The following ASAP3 variants were observed in gnomAD, a reference collection of about 807,000 sequenced individuals.
The protein encoded by ASAP3 is arf-GAP with SH3 domain, ANK repeat and PH domain-containing protein 3.
Under a neutral mutation model 118.2 loss-of-function variants are expected in ASAP3, and 85 were observed. The observed-to-expected ratio is 0.72, with a 90% CI of 0.60 to 0.86. ASAP3 has a LOEUF of 0.86. Among genes scored for constraint, ASAP3 ranks in the 40% least tolerant of loss-of-function variants. The pLI is 0.00. For missense variants in ASAP3, 1,026 were observed against 1,175.0 expected, an observed-to-expected ratio of 0.87 and a Z score of 1.85; for synonymous variants, 432 against 477.4, an observed-to-expected ratio of 0.90 and a Z score of 1.24.
At chr1:23,440,500 CAAAAAAAAAA>C (rs35344912) in intron 10 of ASAP3, among the ~76,000 whole-genome samples, 19 of 24,318 alleles carry the variant, frequency 7.8e-4, no homozygotes, top group Admixed American at 4.1e-3. Flanking sequence ...GACTCCATCT[CAAAAAAAAAA>C]AAAAAAAAAA....
intron 23 of ASAP3, 107 bp downstream of exon 23, chr1:23,431,589 C>A (rs895982469): frequency 3.7e-6 from 4 of 1,070,800 alleles, no homozygotes; most frequent in Non-Finnish European, 5.3e-6. Flanking sequence ...CCAGAGATGG[C>A]GTGTGACCCA....
intron 10 of ASAP3, among the ~76,000 whole-genome samples, chr1:23,440,125 AT>A (rs539194086): frequency 0.12 from 15,873 of 133,364 alleles, 1,678 homozygotes; most frequent in African/African-American, 0.27. Context: ...CCACAGACTG[AT>A]TTTTTTTTTT....
chr1:23,438,585 G>T lies in ASAP3; in HGVS notation c.1102+162C>A, dbSNP rs1640755884. On this transcript the variant is annotated intron_variant, in intron 12 of 24. Coordinates refer to ENST00000336689, the MANE Select transcript of ASAP3 (RefSeq NM_017707.4). This position sits in a 1 kb window ranked among gnomAD's most constrained non-coding sequence, Gnocchi z 4.9. Reference sequence around the variant, plus strand: ...GCATTTTGACATTTAATGTGATGTGGGTATCCTAGACCTAAGGATTCTTAT... The same window carrying T: ...GCATTTTGACATTTAATGTGATGTGTGTATCCTAGACCTAAGGATTCTTAT... Among the ~76,000 whole-genome samples the T allele has an allele frequency of 6.6e-6, 1 of 152,118 alleles. No individual in the cohort carries two copies.
chr1:23,471,431 G>A (rs1426890068), intron 1 of ASAP3, among the ~76,000 whole-genome samples: 1 of 152,202 alleles, frequency 6.6e-6, no homozygotes, highest in Non-Finnish European at 1.5e-5. Context: ...CAGAAAGGCA[G>A]GGAATGGCTC....
chr1:23,462,343 C>T (rs745406748), intron 1 of ASAP3, among the ~76,000 whole-genome samples: 1 of 151,714 alleles, frequency 6.6e-6, no homozygotes, highest in East Asian at 1.9e-4. Context: ...TTTTCGATGC[C>T]CTTGTCAGAC....
In ASAP3 at chr1:23,436,607, G is replaced by T; in HGVS notation, c.1524C>A (p.Ala508=). 6.2e-7 allele frequency: 1 copy of T among 1,614,228 alleles called. No individual in the cohort carries two copies. The highest frequency in any genetic ancestry group is 1.1e-5 in the South Asian group (1 of 91,086). ...TAGGGCCGCCGTGTGAGGGTAGCTGGGCCTCCATGACCTCATTGAAGCTCG... is the reference window on the plus strand; with the variant it reads ...TAGGGCCGCCGTGTGAGGGTAGCTGTGCCTCCATGACCTCATTGAAGCTCG... ...GNTSFNEVME[A]QLPSHGGPKP... The change falls in exon 16 of 25, where the codon GCC becomes GCA. Residue 508 remains alanine (A), a synonymous_variant. Transcript: ENST00000336689. The surrounding 1 kb of genome is among the most constrained non-coding windows in gnomAD (Gnocchi z 4.2).
In ASAP3 at chr1:23,436,992, C is replaced by A. The variant is rs149750772; in HGVS notation, c.1395G>T (p.Ser465=). 3 of 1,612,154 alleles carry A rather than the reference C, an allele frequency of 1.9e-6. No individual in the cohort carries two copies. The Admixed American group carries it at 5.0e-5, about 27-fold the overall frequency. Residue 465 remains serine, a synonymous_variant, in exon 15 of 25, where the codon TCG becomes TCT. Transcript: ENST00000336689. The surrounding 1 kb of genome is among the most constrained non-coding windows in gnomAD (Gnocchi z 4.2). ...GCACGCCCAGTTCGCGGTGGACGCC[C>A]GAGCACTGGATGCAGGTGAGCACGC... ...NLGVLTCIQC[S]GVHRELGVRF...
intron 1 of ASAP3, among the ~76,000 whole-genome samples, chr1:23,457,038 T>C (rs1641411557): frequency 6.6e-6 from 1 of 152,192 alleles, no homozygotes; most frequent in Admixed American, 6.5e-5. Flanking sequence ...CAGTGGGGCA[T>C]GGAAGTTGAC....
At chr1:23,471,709 A>G (rs574146231) in intron 1 of ASAP3, among the ~76,000 whole-genome samples, 29 of 152,270 alleles carry the variant, frequency 1.9e-4, no homozygotes, top group Admixed American at 1.8e-3. Flanking sequence ...AAATGGCATA[A>G]TAACAGCATC....
intron 1 of ASAP3, among the ~76,000 whole-genome samples, chr1:23,483,722 A>T (rs1056410987): frequency 2.0e-5 from 3 of 152,110 alleles, no homozygotes; most frequent in Non-Finnish European, 4.4e-5. Context: ...GCAAACACAT[A>T]TGTGATGAGG....
At chr1:23,458,637 T>G (rs998256447) in intron 1 of ASAP3, among the ~76,000 whole-genome samples, 3 of 151,964 alleles carry the variant, frequency 2.0e-5, no homozygotes, top group Non-Finnish European at 4.4e-5. Context: ...ACCAAAATGT[T>G]TCTTACTAAA....
At chr1:23,444,090 G>A (rs1304335900) in intron 5 of ASAP3, among the ~76,000 whole-genome samples, 1 of 152,072 alleles carries the variant, frequency 6.6e-6, no homozygotes, top group Admixed American at 6.5e-5. Context: ...GCTGGTCTTT[G>A]AACTCGGGCC....
chr1:23,442,497 T>TCA lies in ASAP3; in HGVS notation c.585+3_585+4insTG. On this transcript the variant is annotated splice_donor_region_variant and intron_variant, in intron 6 of 24. Transcript: ENST00000336689. ...CCCCCTCCCTCATCCAGAGCACCCC[T>TCA]TACCTCACACATGTGCAGCTGGAAG... 6.3e-7 allele frequency: 1 copy of TCA among 1,594,854 alleles called. No homozygotes were observed. The highest frequency in any genetic ancestry group is 8.6e-7 in the Non-Finnish European group (1 of 1,163,560).
intron 1 of ASAP3, among the ~76,000 whole-genome samples, chr1:23,461,616 G>A (rs373372750): frequency 6.3e-4 from 96 of 151,724 alleles, no homozygotes; most frequent in African/African-American, 2.3e-3. Flanking sequence ...AGCTGTGATC[G>A]TGCCACTGCA....
intron 1 of ASAP3, among the ~76,000 whole-genome samples, chr1:23,468,690 TAG>T (rs78210985): frequency 0.79 from 120,002 of 151,334 alleles, 48,679 homozygotes; most frequent in Middle Eastern, 0.91. Context: ...TTAGTTGAGA[TAG>T]GGTGAAACCC....
rs762296900 is a variant in ASAP3, at chr1:23,437,278, G to A, written c.1194C>T (p.Ser398=). The change falls in exon 14 of 25, where the codon AGC becomes AGT. Residue 398 remains serine (S), a synonymous_variant. Transcript: ENST00000336689. The surrounding 1 kb of genome is among the most constrained non-coding windows in gnomAD (Gnocchi z 6.1). ...VLQNSKDEAL[S]SAFLGEPSAG... Reference sequence around the variant, plus strand: ...CGCTGGGCTCCCCGAGGAAGGCGCTGCTCAGGGCTTCGTCCTTGCTGTTCT... The same window carrying A: ...CGCTGGGCTCCCCGAGGAAGGCGCTACTCAGGGCTTCGTCCTTGCTGTTCT... 9.4e-6 allele frequency: 15 copies of A among 1,603,314 alleles called. No individual in the cohort carries two copies. The highest frequency in any genetic ancestry group is 1.1e-5 in the South Asian group (1 of 89,948).
At position 23,437,202 on chromosome 1, in the gene ASAP3, G is replaced by A. The variant is rs1409385869; in HGVS notation, c.1270C>T (p.Leu424Phe). ...ACCTCCGCGATGAGCAGCTTTGTGAGGTCGTGCGGCTCCCCATCATGGCCG... is the reference window on the plus strand; with the variant it reads ...ACCTCCGCGATGAGCAGCTTTGTGAAGTCGTGCGGCTCCCCATCATGGCCG... ...SAGHDGEPHD[L>F]TKLLIAEVKS... Residue 424 changes from leucine (L) to phenylalanine (F), a missense_variant, in exon 14 of 25, where the codon CTC becomes TTC. Physicochemically the swap from Leu to Phe is conservative, Grantham distance 22. Transcript: ENST00000336689. The surrounding 1 kb of genome is among the most constrained non-coding windows in gnomAD (Gnocchi z 6.1). 1 of 1,605,188 alleles carries A rather than the reference G, an allele frequency of 6.2e-7. No homozygotes were observed. The highest frequency in any genetic ancestry group is 1.7e-5 in the Admixed American group (1 of 58,622).
At chr1:23,454,117 C>T (rs1641308762) in intron 3 of ASAP3, among the ~76,000 whole-genome samples, 1 of 151,772 alleles carries the variant, frequency 6.6e-6, no homozygotes. Flanking sequence ...TTCCCCCAGG[C>T]TAAACTGATC....
At chr1:23,462,829 A>G (rs1641640184) in intron 1 of ASAP3, among the ~76,000 whole-genome samples, 1 of 152,220 alleles carries the variant, frequency 6.6e-6, no homozygotes, top group Non-Finnish European at 1.5e-5. Flanking sequence ...AAAAGCCATT[A>G]TAAGCAGACA....
Sources: gnomAD v4.1 joint callset for allele counts (sites outside exome capture counted in the v4.1 genomes callset) on GRCh38, gnomAD v4.1.1 for gene constraint, Gnocchi (gnomAD v3.1) non-coding constraint, MANE v1.5 for transcripts, NCBI Gene and HGNC (gene_info 2026-07-23, HGNC 2026-07-21) for gene names.